Variants in RALGPS2 observed in about 807,000 individuals in gnomAD.
RALGPS2 encodes ras-specific guanine nucleotide-releasing factor RalGPS2.
In RALGPS2, 43 loss-of-function variants were observed where a neutral mutation model predicts 86.8. That is an observed-to-expected ratio of 0.50 (90% CI 0.39 to 0.64). The LOEUF is 0.64. Among genes scored for constraint, RALGPS2 ranks in the 30% least tolerant of loss-of-function variants. The pLI is 0.00. For missense variants in RALGPS2, 536 were observed against 694.6 expected, an observed-to-expected ratio of 0.77 and a Z score of 2.57; for synonymous variants, 243 against 231.3, an observed-to-expected ratio of 1.05 and a Z score of -0.46.
chr1:178,806,836 G>T (rs1654772972), intron 4 of RALGPS2, among the ~76,000 whole-genome samples: 1 of 151,592 alleles, frequency 6.6e-6, no homozygotes, highest in Non-Finnish European at 1.5e-5. Flanking sequence ...TCTCTCCCTG[G>T]CTATTGTTGT....
intron 1 of RALGPS2, among the ~76,000 whole-genome samples, chr1:178,751,876 CT>C (rs1651700328): frequency 6.6e-6 from 1 of 152,152 alleles, no homozygotes; most frequent in Non-Finnish European, 1.5e-5. Flanking sequence ...GGTGTTGTTA[CT>C]TTTAAAAGAC....
intron 6 of RALGPS2, among the ~76,000 whole-genome samples, chr1:178,821,089 G>A (rs1655483088): frequency 6.6e-6 from 1 of 152,202 alleles, no homozygotes; most frequent in African/African-American, 2.4e-5. Flanking sequence ...CAGCACGAAT[G>A]AGGGAAAAAG....
intron 14 of RALGPS2, 118 bp from the exon 15 acceptor site, chr1:178,892,112 T>C (rs765719973): frequency 9.3e-6 from 9 of 967,544 alleles, no homozygotes; most frequent in Non-Finnish European, 1.4e-5. Flanking sequence ...TACTATCCTT[T>C]TGTAAGATTT....
intron 6 of RALGPS2, among the ~76,000 whole-genome samples, chr1:178,819,320 A>T (rs529272311): frequency 6.6e-6 from 1 of 152,042 alleles, no homozygotes; most frequent in East Asian, 1.9e-4. Context: ...TGAAGTAGTT[A>T]TTTGGGCTGC....
chr1:178,806,312 C>T (rs1654737153), intron 4 of RALGPS2, among the ~76,000 whole-genome samples: 1 of 152,108 alleles, frequency 6.6e-6, no homozygotes, highest in Non-Finnish European at 1.5e-5. Context: ...TTGAATTCTT[C>T]AAAATTGAAG....
chr1:178,761,442 A>AAT (rs1652236480), intron 1 of RALGPS2, among the ~76,000 whole-genome samples: 1 of 151,850 alleles, frequency 6.6e-6, no homozygotes. Flanking sequence ...AAAAAAAAAA[A>AAT]ATTCTTTTTG....
chr1:178,729,913 C>T (rs1650239466), intron 1 of RALGPS2, among the ~76,000 whole-genome samples: 1 of 152,060 alleles, frequency 6.6e-6, no homozygotes, highest in Non-Finnish European at 1.5e-5. Flanking sequence ...AAATTATATA[C>T]TTTTACTGTT....
chr1:178,893,988 G>A lies in RALGPS2; in HGVS notation c.1395G>A (p.Arg465=). The change falls in exon 16 of 20, where the codon AGG becomes AGA. Residue 465 remains arginine, a synonymous_variant. Coordinates refer to ENST00000367635, the MANE Select transcript of RALGPS2 (RefSeq NM_152663.5). ...PGAVTIQGVL[R]RKTLLKEGKK... ...CTGTTACTATTCAAGGTGTTCTCAG[G>A]AGAAAAACTTTGTTAAAAGAAGGCA... 6.2e-7 allele frequency: 1 copy of A among 1,606,806 alleles called. No homozygotes were observed. The highest frequency in any genetic ancestry group is 8.5e-7 in the Non-Finnish European group (1 of 1,175,626).
chr1:178,759,389 G>A lies in RALGPS2; in HGVS notation c.-83-17293G>A, dbSNP rs377058560. 9.2e-5 allele frequency among the ~76,000 whole-genome samples: 14 copies of A among 152,126 alleles called. No homozygotes were observed. The South Asian group carries it at 2.7e-3, about 29-fold the overall frequency. ...TTTGTTGAAAATGAGTTTACTGTAG[G>A]TGTGTGGATTTGTTTCTGGATTCTC... On this transcript the variant is annotated intron_variant, in intron 1 of 19. Transcript: ENST00000367635.
In RALGPS2 at chr1:178,776,745, C is replaced by A; in HGVS notation, c.-20C>A. On this transcript the variant is annotated 5_prime_UTR_variant, in exon 2 of 20. Transcript: ENST00000367635. ...TCCTCTGTTGCTGTTAACATAAGGTCAGGGACTGATGAGGAAAGCATGGAC... is the reference window on the plus strand; with the variant it reads ...TCCTCTGTTGCTGTTAACATAAGGTAAGGGACTGATGAGGAAAGCATGGAC... The A allele has an allele frequency of 6.2e-7, 1 of 1,604,770 alleles. No individual in the cohort carries two copies. The highest frequency in any genetic ancestry group is 1.1e-5 in the South Asian group (1 of 90,626).
chr1:178,908,300 C>T (rs1230418504), intron 19 of RALGPS2, among the ~76,000 whole-genome samples: 1 of 152,180 alleles, frequency 6.6e-6, no homozygotes, highest in Non-Finnish European at 1.5e-5. Context: ...TATTCCATAG[C>T]ATATATGTAC....
intron 1 of RALGPS2, among the ~76,000 whole-genome samples, chr1:178,746,074 A>G (rs1651311966): frequency 6.6e-6 from 1 of 152,072 alleles, no homozygotes; most frequent in Non-Finnish European, 1.5e-5. Flanking sequence ...CACCCACCTC[A>G]GACTCCCAAA....
chr1:178,727,393 CT>C (rs1199330317), intron 1 of RALGPS2, among the ~76,000 whole-genome samples: 15 of 152,140 alleles, frequency 9.9e-5, no homozygotes, highest in African/African-American at 3.6e-4. Context: ...AGGAATTTGA[CT>C]TTTAGTAATA....
intron 8 of RALGPS2, among the ~76,000 whole-genome samples, chr1:178,856,797 T>G (rs1657617898): frequency 6.6e-6 from 1 of 152,204 alleles, no homozygotes. Context: ...CAAAGATGAA[T>G]GTACAGTCAT....
At chr1:178,899,959 T>C (rs1660100804) in intron 17 of RALGPS2, among the ~76,000 whole-genome samples, 1 of 151,984 alleles carries the variant, frequency 6.6e-6, no homozygotes, top group Admixed American at 6.6e-5. Context: ...CTCTTCAATT[T>C]CTTAGAAATG....
intron 1 of RALGPS2, among the ~76,000 whole-genome samples, chr1:178,758,146 A>G (rs1029211427): frequency 2.0e-5 from 3 of 151,934 alleles, no homozygotes; most frequent in Non-Finnish European, 2.9e-5. Flanking sequence ...ACTTTTGTCA[A>G]TTCTGATTGC....
chr1:178,736,487 A>G (rs1650711125), intron 1 of RALGPS2, among the ~76,000 whole-genome samples: 1 of 152,100 alleles, frequency 6.6e-6, no homozygotes, highest in African/African-American at 2.4e-5. Context: ...AAACGTTTTC[A>G]ATGAAAGTAC....
At chr1:178,875,041 A>G (rs1256359887) in intron 8 of RALGPS2, among the ~76,000 whole-genome samples, 1 of 145,894 alleles carries the variant, frequency 6.9e-6, no homozygotes, top group African/African-American at 2.8e-5. Flanking sequence ...AGTAACACAC[A>G]TATATGCAAT....
In RALGPS2 at chr1:178,889,644, A is replaced by C; in HGVS notation, c.1195A>C (p.Ser399Arg). 1 of 1,601,556 alleles carries C rather than the reference A, an allele frequency of 6.2e-7. No individual in the cohort carries two copies. The highest frequency in any genetic ancestry group is 8.5e-7 in the Non-Finnish European group (1 of 1,171,036). ...AATAGGATAACTTTTCATTTTAGGT[A>C]GCAGCGATGGTTCTGAACTAAGTGA... The part of the protein sequence containing the change: ...STLSSGISIG[S>R]SDGSELSEET... The change falls in exon 14 of 20, where the codon AGC becomes CGC. Residue 399 changes from serine to arginine, a missense_variant and splice_region_variant. This residue lies in a region of RALGPS2 where 309 missense variants were observed against 363.0 expected (regional missense o/e 0.85). Transcript: ENST00000367635.
Sources: allele counts gnomAD v4.1 joint callset (sites outside exome capture counted in the v4.1 genomes callset), GRCh38; gene constraint gnomAD v4.1.1; regional missense constraint gnomAD v4.1.1; transcripts MANE v1.5; gene names NCBI Gene and HGNC (gene_info 2026-07-23, HGNC 2026-07-21).